The following ABLIM1 variants were observed in gnomAD, a reference collection of about 807,000 sequenced individuals.
ABLIM1 encodes the protein actin binding LIM protein 1, also known as actin-binding LIM protein 1.
A neutral mutation model predicts 107.0 loss-of-function variants in ABLIM1; 40 were observed. The ratio of observed to expected loss-of-function variants is 0.37; its 90% CI spans 0.29 to 0.49. ABLIM1 has a LOEUF of 0.49. Among genes scored for constraint, ABLIM1 ranks in the 20% least tolerant of loss-of-function variants. ABLIM1 has a pLI of 0.97. For synonymous variants in ABLIM1, 357 were observed against 357.3 expected (o/e 1.00, Z 0.01); for missense variants, 857 against 1,008.5 (o/e 0.85, Z 2.04).
At chr10:114,644,299 AAAAAAAAATAT>A (rs1236087773) in intron 1 of ABLIM1, among the ~76,000 whole-genome samples, 2 of 100,082 alleles carry the variant, frequency 2.0e-5, no homozygotes, top group African/African-American at 1.1e-4. Flanking sequence ...AAAAAAAAAA[AAAAAAAAATAT>A]ATATATATAT....
intron 13 of ABLIM1, among the ~76,000 whole-genome samples, chr10:114,452,039 C>G (rs1036767496): frequency 4.6e-5 from 7 of 152,070 alleles, no homozygotes; most frequent in Non-Finnish European, 8.8e-5. Context: ...GCCCAAATTG[C>G]TATTGTCTAG....
chr10:114,733,603 A>T (rs1034648845), intron 1 of ABLIM1, among the ~76,000 whole-genome samples: 2 of 152,168 alleles, frequency 1.3e-5, no homozygotes, highest in African/African-American at 4.8e-5. Flanking sequence ...CATTTTCTTC[A>T]GTACCCAGGA....
chr10:114,635,373 C>A (rs1175645588), intron 1 of ABLIM1, among the ~76,000 whole-genome samples: 5 of 152,236 alleles, frequency 3.3e-5, no homozygotes, highest in African/African-American at 1.2e-4. Flanking sequence ...ACAAGCAACC[C>A]GGCAGAGTCC....
chr10:114,523,846 T>C (rs2064172159), intron 6 of ABLIM1, among the ~76,000 whole-genome samples: 3 of 152,194 alleles, frequency 2.0e-5, no homozygotes, highest in Admixed American at 2.0e-4. Context: ...CTGTGCTATA[T>C]CCTGGGGGCA....
intron 4 of ABLIM1, among the ~76,000 whole-genome samples, chr10:114,560,799 T>C (rs1178298623): frequency 6.6e-6 from 1 of 152,180 alleles, no homozygotes. Flanking sequence ...AGTGTATAAC[T>C]CCATTAATAT....
chr10:114,533,705 C>A lies in ABLIM1; in HGVS notation c.894+11300G>T, dbSNP rs184732348. 6.9e-3 allele frequency among the ~76,000 whole-genome samples: 1,048 copies of A among 152,104 alleles called. 51 individuals carry two copies. Among genetic ancestry groups the A allele is most frequent in the Admixed American group, 0.064 (982 of 15,272 alleles). ...GTTTTGAGACAGAGTCTTGCTCTGT[C>A]CCCCAGGCTGGAGTGCAGTGGCGTG... On this transcript the variant is annotated intron_variant, in intron 6 of 22. Transcript: ENST00000533213.
chr10:114,536,235 T>G (rs867804067), intron 6 of ABLIM1, among the ~76,000 whole-genome samples: 2 of 11,270 alleles, frequency 1.8e-4, no homozygotes. Flanking sequence ...TTGTTTTTTT[T>G]TTTTTTTTTT....
At chr10:114,688,293 T>C (rs1300211356), upstream of ABLIM1, among the ~76,000 whole-genome samples, 1 of 152,164 alleles carries the variant, frequency 6.6e-6, no homozygotes, top group East Asian at 1.9e-4. Flanking sequence ...CCCTATTACA[T>C]ACGGTCCCTA....
intron 12 of ABLIM1, among the ~76,000 whole-genome samples, chr10:114,462,388 C>A (rs563814126): frequency 1.3e-5 from 2 of 152,176 alleles, no homozygotes; most frequent in African/African-American, 2.4e-5. Context: ...TGTGGAGAGT[C>A]CCAACTGAGG....
intron 1 of ABLIM1, among the ~76,000 whole-genome samples, chr10:114,680,892 T>C (rs2080718364): frequency 6.6e-6 from 1 of 152,236 alleles, no homozygotes; most frequent in Non-Finnish European, 1.5e-5. Context: ...TGTTGAAAAG[T>C]GCTTGTAAAT....
upstream of ABLIM1, among the ~76,000 whole-genome samples, chr10:114,687,677 A>G (rs2080975383): frequency 6.6e-6 from 1 of 152,226 alleles, no homozygotes; most frequent in South Asian, 2.1e-4. Context: ...AATTTATGAC[A>G]GGGCTGAGAG....
exon 1 of ABLIM1, chr10:114,684,568 T>C (rs2080883233): frequency 3.7e-6 from 5 of 1,353,404 alleles, no homozygotes; most frequent in East Asian, 2.6e-5. Context: ...TCCTTCCTCA[T>C]GTACAGATTC....
intron 6 of ABLIM1, among the ~76,000 whole-genome samples, chr10:114,529,132 T>A (rs2136911333): frequency 6.6e-6 from 1 of 151,804 alleles, no homozygotes; most frequent in Non-Finnish European, 1.5e-5. Flanking sequence ...TCCTCTTTTT[T>A]TTTTTTTTTT....
At chr10:114,508,726 G>C (rs1162021130) in intron 6 of ABLIM1, among the ~76,000 whole-genome samples, 3 of 152,136 alleles carry the variant, frequency 2.0e-5, no homozygotes, top group African/African-American at 7.2e-5. Context: ...ATAAGAAAGA[G>C]TAAAATGGGA....
In ABLIM1 at chr10:114,684,467, G is replaced by A. The variant is rs1436829372; in HGVS notation, c.-114C>T. On this transcript the variant is annotated 5_prime_UTR_variant, in exon 1 of 24. Transcript: ENST00000369256. The stretch of plus-strand genomic sequence containing the variant: ...CTGGCTCTCCTCCCAGGAGTCTGTG[G>A]GCTGAACTGGACCCGAGGGAGGGGT... 2.7e-6 allele frequency: 4 copies of A among 1,503,946 alleles called. No homozygotes were observed. The African/African-American group carries it at 5.5e-5, about 21-fold the overall frequency. The allele number at this position is 1,503,946 out of a possible 1,614,324, so 93.2% of individuals were successfully genotyped here. A position where few individuals can be genotyped will look rare whatever the true frequency, so the allele number is the denominator to read the frequency against.
At chr10:114,504,538 G>A (rs1282382334) in intron 6 of ABLIM1, among the ~76,000 whole-genome samples, 2 of 152,112 alleles carry the variant, frequency 1.3e-5, no homozygotes, top group Non-Finnish European at 2.9e-5. Flanking sequence ...ATCTTCCTAA[G>A]GCCATCCCTT....
intron 14 of ABLIM1, among the ~76,000 whole-genome samples, chr10:114,448,977 T>C (rs1030785105): frequency 1.3e-5 from 2 of 152,198 alleles, no homozygotes; most frequent in Non-Finnish European, 2.9e-5. Context: ...GAAATGGAAA[T>C]TGGAAAATCC....
intron 1 of ABLIM1, among the ~76,000 whole-genome samples, chr10:114,759,629 T>C (rs2082702043): frequency 6.6e-6 from 1 of 152,182 alleles, no homozygotes; most frequent in African/African-American, 2.4e-5. Context: ...ATGTGCTGGA[T>C]TGAAGGGGAG....
intron 6 of ABLIM1, among the ~76,000 whole-genome samples, chr10:114,515,212 C>T (rs1184526744): frequency 6.6e-6 from 1 of 152,210 alleles, no homozygotes; most frequent in Non-Finnish European, 1.5e-5. Flanking sequence ...GCTCACAATT[C>T]CCGCAGCGGC....
Sources: allele counts gnomAD v4.1 joint callset (sites outside exome capture counted in the v4.1 genomes callset), GRCh38; gene constraint gnomAD v4.1.1; transcripts MANE v1.5; gene names NCBI Gene and HGNC (gene_info 2026-07-23, HGNC 2026-07-21).